Variants in PPP2R5D observed in about 807,000 individuals in gnomAD.
The protein encoded by PPP2R5D is protein phosphatase 2 regulatory subunit B'delta.
Under a neutral mutation model 79.1 loss-of-function variants are expected in PPP2R5D, and 12 were observed. That is an observed-to-expected ratio of 0.15 (90% confidence interval 0.10 to 0.25). The LOEUF (loss-of-function observed/expected upper bound fraction) is 0.25. Among genes scored for constraint, PPP2R5D ranks in the 10% least tolerant of loss-of-function variants. The pLI is 1.00. For synonymous variants in PPP2R5D, 277 were observed against 286.6 expected, an observed-to-expected ratio of 0.97 and a Z score of 0.34; for missense variants, 419 against 760.2, an observed-to-expected ratio of 0.55 and a Z score of 5.28.
chr6:43,006,970 C>G lies in PPP2R5D; in HGVS notation c.382C>G (p.Leu128Val), dbSNP rs770394907. Residue 128 changes from leucine to valine, a missense_variant, in exon 4 of 16, where the codon CTC becomes GTC. By Grantham distance (32) the Leu-to-Val change is conservative (BLOSUM62 1). Coordinates refer to ENST00000485511, the MANE Select transcript of PPP2R5D (RefSeq NM_006245.4). The surrounding 1 kb of genome is among the most constrained non-coding windows in gnomAD (Gnocchi z 4.7). The stretch of plus-strand genomic sequence containing the variant: ...CCAGAAGCTACGCCAGTGCTGTGTC[C>G]TCTTTGACTTCGTGTCAGACCCACT... ...FIQKLRQCCV[L>V]FDFVSDPLSD... The G allele has an allele frequency of 6.2e-7, 1 of 1,614,180 alleles. No individual in the cohort carries two copies.
intron 2 of PPP2R5D, among the ~76,000 whole-genome samples, chr6:42,990,101 C>T (rs1293095029): frequency 1.3e-5 from 2 of 152,060 alleles, no homozygotes; most frequent in East Asian, 3.9e-4. Flanking sequence ...GAGTTGGGCC[C>T]AGCTGGGCCC....
rs1333467904 is a variant in PPP2R5D at position 43,007,406 on chromosome 6, C to T, written c.634-8C>T. On this transcript the variant is annotated splice_polypyrimidine_tract_variant and splice_region_variant and intron_variant, in intron 5 of 15. Transcript: ENST00000485511. The surrounding 1 kb of genome is among the most constrained non-coding windows in gnomAD (Gnocchi z 4.5). Reference sequence around the variant, plus strand: ...CATCCCCTCAGTGGCGTGCCTTTTCCCCTATAGCTCGTGTATGAGTTCTTC... The same window carrying T: ...CATCCCCTCAGTGGCGTGCCTTTTCTCCTATAGCTCGTGTATGAGTTCTTC... The T allele has an allele frequency of 6.2e-7, 1 of 1,611,326 alleles. No individual in the cohort carries two copies. The highest frequency in any genetic ancestry group is 1.1e-5 in the South Asian group (1 of 91,038).
In PPP2R5D at chr6:43,009,389, C is replaced by G. The variant is rs1207810886; in HGVS notation, c.1319C>G (p.Ala440Gly). The change falls in exon 12 of 16, where the codon GCC (alanine) becomes GGC (glycine). Residue 440 changes from alanine (A) to glycine (G), a missense_variant. Around this residue, in one of 5 missense-constraint regions of PPP2R5D, gnomAD observed 196 missense variants for 424.5 expected, o/e 0.46. Transcript: ENST00000485511. This position sits in a 1 kb window ranked among gnomAD's most constrained non-coding sequence, Gnocchi z 5.6. ...YIMSLISDNA[A>G]RVLPIMFPAL... Reference sequence around the variant, plus strand: ...ATGAGCCTGATAAGTGACAATGCTGCCCGAGTCCTCCCCATCATGTTCCCT... The same window carrying G: ...ATGAGCCTGATAAGTGACAATGCTGGCCGAGTCCTCCCCATCATGTTCCCT... The G allele has an allele frequency of 6.2e-7, 1 of 1,614,066 alleles. No homozygotes were observed. The highest frequency in any genetic ancestry group is 1.1e-5 in the South Asian group (1 of 91,070).
chr6:43,008,594 C>A lies in PPP2R5D; in HGVS notation c.1027-99C>A. Reference sequence around the variant, plus strand: ...AGCAGGTGGGATAATTCCTTCCCTCCATCTCCCCTTCCCTTCTGGGATCTT... The same window carrying A: ...AGCAGGTGGGATAATTCCTTCCCTCAATCTCCCCTTCCCTTCTGGGATCTT... On this transcript the variant is annotated intron_variant, in intron 9 of 15. Transcript: ENST00000485511. This position sits in a 1 kb window ranked among gnomAD's most constrained non-coding sequence, Gnocchi z 4.2. The A allele has an allele frequency of 6.7e-7, 1 of 1,489,042 alleles. No individual in the cohort carries two copies. The allele number at this position is 1,489,042 out of a possible 1,614,324, so 92.2% of individuals were successfully genotyped here.
chr6:43,007,201 A>T lies in PPP2R5D; in HGVS notation c.528A>T (p.Ser176=). 6.2e-7 allele frequency: 1 copy of T among 1,614,140 alleles called. No individual in the cohort carries two copies. The highest frequency in any genetic ancestry group is 1.1e-5 in the South Asian group (1 of 91,088). The change falls in exon 5 of 16, where the codon TCA becomes TCT. Residue 176 remains serine, a synonymous_variant. Transcript: ENST00000485511. The surrounding 1 kb of genome is among the most constrained non-coding windows in gnomAD (Gnocchi z 4.5). ...AIYPEAVTMF[S]VNLFRTLPPS... is the part of the protein sequence containing the mutation. ...TAACTGGCCCTACCCCTCAGTTTTC[A>T]GTGAACCTCTTCCGGACGCTGCCAC... is the stretch of plus-strand genomic sequence containing the variant.
chr6:42,986,423 CT>C (rs1249279940), intron 1 of PPP2R5D, among the ~76,000 whole-genome samples: 3 of 152,028 alleles, frequency 2.0e-5, no homozygotes, highest in Non-Finnish European at 4.4e-5. Flanking sequence ...TTCAATCAAA[CT>C]TTTTCTCCTG....
chr6:42,985,137 T>C (rs1271365629), intron 1 of PPP2R5D, among the ~76,000 whole-genome samples: 1 of 149,854 alleles, frequency 6.7e-6, no homozygotes, highest in Non-Finnish European at 1.5e-5. Flanking sequence ...CCTTGTCTCC[T>C]CTTCCTACCC....
chr6:43,001,951 G>C (rs1182276520), intron 2 of PPP2R5D, among the ~76,000 whole-genome samples: 3 of 150,158 alleles, frequency 2.0e-5, no homozygotes, highest in East Asian at 3.9e-4. Flanking sequence ...AAAAAAAAAT[G>C]CTTCTTTAGT....
intron 15 of PPP2R5D, 23 bp from the exon 16 acceptor site, chr6:43,011,125 CA>C: frequency 6.2e-7 from 1 of 1,614,060 alleles, no homozygotes. Flanking sequence ...CACCATTCCT[CA>C]CCTTGTCCCT....
chr6:42,985,720 C>A (rs978138470), intron 1 of PPP2R5D, among the ~76,000 whole-genome samples: 7 of 151,890 alleles, frequency 4.6e-5, no homozygotes, highest in African/African-American at 1.7e-4. Context: ...AGCCTGCAGG[C>A]CAGCCACCCC....
At chr6:42,990,903 T>G (rs6940142) in intron 2 of PPP2R5D, among the ~76,000 whole-genome samples, 44,336 of 151,462 alleles carry the variant, frequency 0.29, 10,303 homozygotes, top group African/African-American at 0.65. Flanking sequence ...GTAGAGACGG[T>G]GTTTCACCAT....
chr6:43,001,136 AGG>A (rs1772167693), intron 2 of PPP2R5D, among the ~76,000 whole-genome samples: 1 of 152,174 alleles, frequency 6.6e-6, no homozygotes, highest in African/African-American at 2.4e-5. Flanking sequence ...GTGATTTCCT[AGG>A]TTCCTGATTT....
In PPP2R5D at chr6:43,008,553, T is replaced by C. The variant is rs189351719; in HGVS notation, c.1026+78T>C. ...CGGCAGGAAAGTGTTCCAGCTGGGATAGGGGAAGCATAGGGAGCAGGTGGG... is the reference window on the plus strand; with the variant it reads ...CGGCAGGAAAGTGTTCCAGCTGGGACAGGGGAAGCATAGGGAGCAGGTGGG... On this transcript the variant is annotated intron_variant, in intron 9 of 15. Transcript: ENST00000485511. This position sits in a 1 kb window ranked among gnomAD's most constrained non-coding sequence, Gnocchi z 4.2. 5 of 1,497,998 alleles carry C rather than the reference T, an allele frequency of 3.3e-6. No individual in the cohort carries two copies. In the African/African-American group the frequency reaches 5.5e-5, roughly 17 times the overall value. The allele number at this position is 1,497,998 out of a possible 1,614,324, so 92.8% of individuals were successfully genotyped here.
At position 43,007,515 on chromosome 6, in the gene PPP2R5D, C is replaced by A. The variant is rs767324998; in HGVS notation, c.726+9C>A. 4.4e-6 allele frequency: 7 copies of A among 1,595,366 alleles called. No individual in the cohort carries two copies. Among genetic ancestry groups the A allele is most frequent in the Admixed American group, 1.7e-5 (1 of 59,966 alleles). On this transcript the variant is annotated intron_variant, in intron 6 of 15. Transcript: ENST00000485511. The surrounding 1 kb of genome is among the most constrained non-coding windows in gnomAD (Gnocchi z 4.5). Reference sequence around the variant, plus strand: ...AGAAGTTTGTACTTGCTGTGAGTCCCCGAGTTCCTGTCCTTGCCCTCTCTT... The same window carrying A: ...AGAAGTTTGTACTTGCTGTGAGTCCACGAGTTCCTGTCCTTGCCCTCTCTT...
chr6:43,008,989 A>T lies in PPP2R5D; in HGVS notation c.1081-68A>T. The T allele has an allele frequency of 1.3e-6, 2 of 1,553,062 alleles. No individual in the cohort carries two copies. Among genetic ancestry groups the T allele is most frequent in the Non-Finnish European group, 1.8e-6 (2 of 1,138,732 alleles). On this transcript the variant is annotated intron_variant, in intron 10 of 15. Transcript: ENST00000485511. The surrounding 1 kb of genome is among the most constrained non-coding windows in gnomAD (Gnocchi z 4.2). ...CACCAGGGTGGGGGAGAGAGCAGGT[A>T]GGAAAACTTCCTGGTGACCTAGGCA... is the stretch of plus-strand genomic sequence containing the variant.
At chr6:42,995,593 C>T (rs1295199616) in intron 2 of PPP2R5D, among the ~76,000 whole-genome samples, 2 of 151,812 alleles carry the variant, frequency 1.3e-5, no homozygotes, top group Non-Finnish European at 2.9e-5. Context: ...CGCTCTGTCG[C>T]CCAGGCTGGA....
In PPP2R5D at chr6:43,011,365, C is replaced by G; in HGVS notation, c.*79C>G. 14 of 1,573,218 alleles carry G rather than the reference C, an allele frequency of 8.9e-6. No homozygotes were observed. The highest frequency in any genetic ancestry group is 1.2e-5 in the Non-Finnish European group (14 of 1,155,518). ...CTGGCCCTCCATACTCTGCTCCCTA[C>G]TGGCTGTCTTGGGGGAAGGCAGCGC... On this transcript the variant is annotated 3_prime_UTR_variant, in exon 16 of 16. Coordinates refer to ENST00000485511, the MANE Select transcript of PPP2R5D (RefSeq NM_006245.4).
rs199672575 is a variant in PPP2R5D at position 43,010,577 on chromosome 6, T to C, written c.1481+8T>C. On this transcript the variant is annotated splice_region_variant and intron_variant, in intron 13 of 15. Coordinates refer to ENST00000485511, the MANE Select transcript of PPP2R5D (RefSeq NM_006245.4). The surrounding 1 kb of genome is among the most constrained non-coding windows in gnomAD (Gnocchi z 4.7). The stretch of plus-strand genomic sequence containing the variant: ...CAAGGCAGAGAAGCAGAAGTGAGTA[T>C]CTCTCTCCCCGGGAGACTTTCATCT... The C allele has an allele frequency of 1.4e-5, 23 of 1,613,630 alleles. No individual in the cohort carries two copies. The East Asian group carries it at 3.8e-4, about 27-fold the overall frequency.
chr6:43,008,993 A>G lies in PPP2R5D; in HGVS notation c.1081-64A>G. 6.4e-7 allele frequency: 1 copy of G among 1,566,422 alleles called. No individual in the cohort carries two copies. The highest frequency in any genetic ancestry group is 1.2e-5 in the South Asian group (1 of 85,120). On this transcript the variant is annotated intron_variant, in intron 10 of 15. Transcript: ENST00000485511. This position sits in a 1 kb window ranked among gnomAD's most constrained non-coding sequence, Gnocchi z 4.2. ...AGGGTGGGGGAGAGAGCAGGTAGGA[A>G]AACTTCCTGGTGACCTAGGCAGGTG...
Sources: gnomAD v4.1 joint callset for allele counts (sites outside exome capture counted in the v4.1 genomes callset) on GRCh38, gnomAD v4.1.1 for gene constraint, gnomAD v4.1.1 regional missense constraint, Gnocchi (gnomAD v3.1) non-coding constraint, MANE v1.5 for transcripts, NCBI Gene and HGNC (gene_info 2026-07-23, HGNC 2026-07-21) for gene names.